FHOD3: variants seen among roughly 807,000 people sequenced by gnomAD.
The protein encoded by FHOD3 is formin homology 2 domain containing 3, also known as FH1/FH2 domain-containing protein 3.
A neutral mutation model predicts 173.0 loss-of-function variants in FHOD3; 90 were observed. That is an observed-to-expected ratio of 0.52 (90% confidence interval 0.44 to 0.62). The LOEUF is 0.62. Among genes scored for constraint, FHOD3 ranks in the 20% least tolerant of loss-of-function variants. FHOD3 has a pLI of 0.00. For synonymous variants in FHOD3, 828 were observed against 823.0 expected, an observed-to-expected ratio of 1.01 and a Z score of -0.10; for missense variants, 1,945 against 2,034.7, an observed-to-expected ratio of 0.96 and a Z score of 0.85.
chr18:36,408,626 CAT>C (rs1252982440), intron 3 of FHOD3, among the ~76,000 whole-genome samples: 1 of 152,114 alleles, frequency 6.6e-6, no homozygotes, highest in Non-Finnish European at 1.5e-5. Flanking sequence ...ATACCCAGGA[CAT>C]AGTGCCAGTG....
intron 25 of FHOD3, among the ~76,000 whole-genome samples, chr18:36,757,131 T>C (rs1458295470): frequency 6.6e-6 from 1 of 152,248 alleles, no homozygotes; most frequent in Non-Finnish European, 1.5e-5. Flanking sequence ...TTTAAATTCT[T>C]TCTCTTAAAA....
chr18:36,527,590 C>A (rs1027934820), intron 5 of FHOD3, among the ~76,000 whole-genome samples: 2 of 152,162 alleles, frequency 1.3e-5, no homozygotes, highest in African/African-American at 4.8e-5. Context: ...CCACTGTTAT[C>A]TGACAGCTTC....
intron 1 of FHOD3, among the ~76,000 whole-genome samples, chr18:36,336,295 C>T (rs1287901120): frequency 6.6e-6 from 1 of 152,140 alleles, no homozygotes; most frequent in East Asian, 1.9e-4. Context: ...CGTGTCACTG[C>T]CTGTGACCAA....
At chr18:36,321,076 A>T (rs115994616) in intron 1 of FHOD3, among the ~76,000 whole-genome samples, 1 of 148,108 alleles carries the variant, frequency 6.8e-6, no homozygotes, top group African/African-American at 2.5e-5. Flanking sequence ...ATTTCCTGTG[A>T]TTTTTTTTTT....
At chr18:36,615,585 A>G (rs909524487) in intron 9 of FHOD3, among the ~76,000 whole-genome samples, 8 of 152,176 alleles carry the variant, frequency 5.3e-5, no homozygotes, top group Non-Finnish European at 8.8e-5. Context: ...TTGTCATTAC[A>G]TGTTTAAGAA....
intron 15 of FHOD3, among the ~76,000 whole-genome samples, chr18:36,682,072 C>T (rs527628926): frequency 2.6e-5 from 4 of 152,312 alleles, no homozygotes; most frequent in South Asian, 2.1e-4. Flanking sequence ...CCATTTCCCC[C>T]GATCTCCTGG....
At position 36,759,125 on chromosome 18, in the gene FHOD3, A is replaced by G. The variant is rs563342477; in HGVS notation, c.4433A>G (p.Glu1478Gly). Residue 1478 changes from glutamate (E) to glycine (G), a missense_variant, in exon 26 of 29, where the codon GAG (glutamate) becomes GGG (glycine). By Grantham distance (98) the Glu-to-Gly change is moderately conservative. This residue lies in a region of FHOD3 where 354 missense variants were observed against 359.9 expected (regional missense o/e 0.98). Transcript: ENST00000590592. ...TRGKMITDTD[E>G]EEEVESGKFS... ...TCCTGTCCTCTCGGGTAGACTGATG[A>G]GGAGGAGGAAGTTGAGGTATGACCA... 1.0e-5 allele frequency: 16 copies of G among 1,535,630 alleles called. No homozygotes were observed. The highest frequency in any genetic ancestry group is 1.3e-5 in the Non-Finnish European group (15 of 1,146,650).
chr18:36,457,914 T>C (rs2052315148), intron 3 of FHOD3, among the ~76,000 whole-genome samples: 1 of 152,186 alleles, frequency 6.6e-6, no homozygotes, highest in South Asian at 2.1e-4. Context: ...ATTTCATGAA[T>C]ATTGCAACTA....
At chr18:36,310,819 C>G (rs987139923) in intron 1 of FHOD3, among the ~76,000 whole-genome samples, 3 of 151,714 alleles carry the variant, frequency 2.0e-5, no homozygotes, top group Admixed American at 2.0e-4. Flanking sequence ...GTAAAGGGCA[C>G]CTGGTACAGG....
At chr18:36,351,405 C>T (rs762341281) in intron 1 of FHOD3, among the ~76,000 whole-genome samples, 6 of 152,024 alleles carry the variant, frequency 3.9e-5, no homozygotes, top group Non-Finnish European at 5.9e-5. Context: ...TCTCTGCTAA[C>T]GATAGCAGAA....
chr18:36,640,774 T>C (rs9952686), intron 10 of FHOD3, among the ~76,000 whole-genome samples: 10,757 of 151,780 alleles, frequency 0.071, 650 homozygotes, highest in East Asian at 0.24. Context: ...TACGCAGCCT[T>C]GTCCAATACG....
chr18:36,410,570 A>G (rs1332119761), intron 3 of FHOD3, among the ~76,000 whole-genome samples: 1 of 152,250 alleles, frequency 6.6e-6, no homozygotes, highest in Non-Finnish European at 1.5e-5. Flanking sequence ...GAACTGCCAC[A>G]TGATTTTCCA....
intron 8 of FHOD3, among the ~76,000 whole-genome samples, chr18:36,608,640 C>T (rs1429531862): frequency 6.6e-6 from 1 of 152,108 alleles, no homozygotes; most frequent in Non-Finnish European, 1.5e-5. Context: ...CCCATGTTAT[C>T]CTTTTATACT....
At chr18:36,666,486 G>GAGGA (rs2037191420) in intron 14 of FHOD3, among the ~76,000 whole-genome samples, 1 of 152,144 alleles carries the variant, frequency 6.6e-6, no homozygotes, top group African/African-American at 2.4e-5. Context: ...ATTAGACAGG[G>GAGGA]TGATCCTCAA....
intron 5 of FHOD3, among the ~76,000 whole-genome samples, chr18:36,531,585 A>G (rs2146869436): frequency 6.6e-6 from 1 of 152,342 alleles, no homozygotes; most frequent in South Asian, 2.1e-4. Context: ...TCTGGGATGC[A>G]TTTGCAGTAC....
intron 19 of FHOD3, among the ~76,000 whole-genome samples, chr18:36,723,690 C>T (rs1332049060): frequency 6.6e-6 from 1 of 152,146 alleles, no homozygotes; most frequent in Non-Finnish European, 1.5e-5. Flanking sequence ...TGGAAGTGCT[C>T]TCAGACTCAC....
chr18:36,558,314 C>T (rs189113281), intron 5 of FHOD3, among the ~76,000 whole-genome samples: 1 of 152,202 alleles, frequency 6.6e-6, no homozygotes, highest in East Asian at 1.9e-4. Flanking sequence ...GTAAGCTGGG[C>T]CACTGGAGGG....
In FHOD3 at chr18:36,612,060, G is replaced by C; in HGVS notation, c.922G>C (p.Asp308His). ...SQRHLNKKGT[D>H]LDLVEQLNIY... ...GAGGCACTTGAACAAGAAAGGGACTGACCTGGACTTAGTGGAGCAACTCAA... is the reference window on the plus strand; with the variant it reads ...GAGGCACTTGAACAAGAAAGGGACTCACCTGGACTTAGTGGAGCAACTCAA... The change falls in exon 9 of 29, where the codon GAC becomes CAC. Residue 308 changes from aspartate (D) to histidine (H), a missense_variant. Physicochemically the swap from Asp to His is moderately conservative, Grantham distance 81. Transcript: ENST00000590592. 1 of 1,614,124 alleles carries C rather than the reference G, an allele frequency of 6.2e-7. No homozygotes were observed. The highest frequency in any genetic ancestry group is 1.3e-5 in the African/African-American group (1 of 75,022).
At chr18:36,525,754 T>A (rs1168156519) in intron 5 of FHOD3, among the ~76,000 whole-genome samples, 1 of 152,208 alleles carries the variant, frequency 6.6e-6, no homozygotes, top group East Asian at 1.9e-4. Flanking sequence ...CTTGATCCCC[T>A]GCCTCTTCTT....
Sources: gnomAD v4.1 joint callset for allele counts (sites outside exome capture counted in the v4.1 genomes callset) on GRCh38, gnomAD v4.1.1 for gene constraint, gnomAD v4.1.1 regional missense constraint, MANE v1.5 for transcripts, NCBI Gene and HGNC (gene_info 2026-07-23, HGNC 2026-07-21) for gene names.